LRP1B: variants seen among roughly 807,000 people sequenced by gnomAD.
LRP1B encodes the protein low-density lipoprotein receptor-related protein 1B.
A neutral mutation model predicts 556.6 loss-of-function variants in LRP1B; 217 were observed. The observed-to-expected ratio is 0.39, with a 90% CI of 0.35 to 0.44. The LOEUF (loss-of-function observed/expected upper bound fraction) is 0.44. LRP1B is among the 20% of genes least tolerant of loss of function. The pLI is 1.00. For synonymous variants in LRP1B, 2,047 were observed against 1,865.8 expected (o/e 1.10, Z -2.50); for missense variants, 5,053 against 5,620.8 (o/e 0.90, Z 3.23).
At chr2:140,617,292 C>T (rs1034523684) in intron 41 of LRP1B, among the ~76,000 whole-genome samples, 4 of 151,940 alleles carry the variant, frequency 2.6e-5, no homozygotes, top group Non-Finnish European at 4.4e-5. Context: ...CTAAATATCA[C>T]ACAGATAACT....
At chr2:140,838,294 G>A (rs1012287935) in intron 31 of LRP1B, among the ~76,000 whole-genome samples, 3 of 152,100 alleles carry the variant, frequency 2.0e-5, no homozygotes, top group Non-Finnish European at 2.9e-5. Flanking sequence ...TTCAAATTAA[G>A]TCCTTTGTAT....
chr2:140,462,763 A>T (rs776061015), intron 60 of LRP1B, among the ~76,000 whole-genome samples: 1 of 152,168 alleles, frequency 6.6e-6, no homozygotes, highest in Non-Finnish European at 1.5e-5. Context: ...TATTTTTTTC[A>T]TCTAACATAT....
At chr2:140,293,899 T>A (rs1683499951) in intron 84 of LRP1B, among the ~76,000 whole-genome samples, 1 of 152,162 alleles carries the variant, frequency 6.6e-6, no homozygotes, top group Admixed American at 6.5e-5. Context: ...TGTCTAAGGA[T>A]TAATTGGTTA....
chr2:141,995,337 T>C (rs1461301310), intron 1 of LRP1B, among the ~76,000 whole-genome samples: 1 of 152,110 alleles, frequency 6.6e-6, no homozygotes, highest in East Asian at 1.9e-4. Flanking sequence ...CCTCCATCTT[T>C]GACACAAAGA....
At chr2:142,124,605 A>C (rs1231702882) in intron 1 of LRP1B, among the ~76,000 whole-genome samples, 5 of 149,554 alleles carry the variant, frequency 3.3e-5, no homozygotes, top group African/African-American at 1.2e-4. Flanking sequence ...AAAAATAATA[A>C]ATTTCCACTT....
At chr2:141,964,915 C>T (rs1239595141) in intron 1 of LRP1B, among the ~76,000 whole-genome samples, 10 of 149,972 alleles carry the variant, frequency 6.7e-5, no homozygotes, top group East Asian at 2.0e-4. Context: ...AACAAACAAC[C>T]CCATCAAAAA....
chr2:141,291,070 A>C (rs577031303), intron 3 of LRP1B, among the ~76,000 whole-genome samples: 1 of 152,172 alleles, frequency 6.6e-6, no homozygotes, highest in South Asian at 2.1e-4. Context: ...TTTTGTAATC[A>C]AAAATAGAAA....
rs758014342 is a variant in LRP1B, at chr2:140,485,400, A to G, written c.9368T>C (p.Ile3123Thr). Residue 3123 changes from isoleucine (I) to threonine (T), a missense_variant, in exon 59 of 91, where the codon ATA becomes ACA. This residue lies in a region of LRP1B where 3,619 missense variants were observed against 3,931.9 expected (regional missense o/e 0.92). Coordinates refer to ENST00000389484, the MANE Select transcript of LRP1B (RefSeq NM_018557.3). The part of the protein sequence containing the change: ...VSKLNGLYPT[I>T]LVSKRLKFPR... ...AAACTTCAGCCTTTTGCTAACGAGT[A>G]TAGTAGGGTACAAGCCATTGAGTTT... 2 of 1,613,954 alleles carry G rather than the reference A, an allele frequency of 1.2e-6. No individual in the cohort carries two copies. Among genetic ancestry groups the G allele is most frequent in the South Asian group, 1.1e-5 (1 of 91,082 alleles).
At chr2:140,966,323 C>T (rs1222207991) in intron 18 of LRP1B, among the ~76,000 whole-genome samples, 3 of 152,138 alleles carry the variant, frequency 2.0e-5, no homozygotes, top group Non-Finnish European at 4.4e-5. Flanking sequence ...CATTTTTTCA[C>T]ATGTCTGTGG....
intron 1 of LRP1B, among the ~76,000 whole-genome samples, chr2:141,916,195 T>C (rs989445043): frequency 9.2e-5 from 14 of 151,960 alleles, no homozygotes; most frequent in African/African-American, 3.4e-4. Flanking sequence ...GCTGGTGGAT[T>C]GGATAAAGAA....
intron 82 of LRP1B, among the ~76,000 whole-genome samples, chr2:140,320,342 G>C (rs995221192): frequency 2.6e-5 from 4 of 152,110 alleles, no homozygotes; most frequent in Non-Finnish European, 4.4e-5. Flanking sequence ...TACTACAATA[G>C]TTTTAGACAC....
chr2:141,727,266 C>T (rs567909056), intron 2 of LRP1B, among the ~76,000 whole-genome samples: 1 of 152,138 alleles, frequency 6.6e-6, no homozygotes, highest in Non-Finnish European at 1.5e-5. Flanking sequence ...GGTTATATCT[C>T]TCCATTTCAC....
At chr2:142,019,159 C>A (rs1188921601) in intron 1 of LRP1B, among the ~76,000 whole-genome samples, 1 of 152,128 alleles carries the variant, frequency 6.6e-6, no homozygotes, top group Non-Finnish European at 1.5e-5. Flanking sequence ...CCTTTCAAAT[C>A]TTTTAACTGG....
intron 41 of LRP1B, among the ~76,000 whole-genome samples, chr2:140,692,234 TC>T (rs1249729170): frequency 2.0e-5 from 3 of 152,166 alleles, no homozygotes; most frequent in African/African-American, 7.2e-5. Context: ...GTTTTCAATA[TC>T]ACATCAACCA....
rs534017793 is a variant in LRP1B, at chr2:141,883,288, C to T, written c.83-72887G>A. Reference sequence around the variant, plus strand: ...CCCATACACTTTGTACTTATAATAGCACTACAAGCAAAGCAAGAAGGAGCT... The same window carrying T: ...CCCATACACTTTGTACTTATAATAGTACTACAAGCAAAGCAAGAAGGAGCT... On this transcript the variant is annotated intron_variant, in intron 1 of 90. Transcript: ENST00000389484. Among the ~76,000 whole-genome samples, 37 of 152,166 alleles carry T rather than the reference C, an allele frequency of 2.4e-4. 1 individual carries two copies. In the South Asian group the frequency reaches 3.1e-3, roughly 13 times the overall value.
chr2:141,508,450 C>A (rs915933583), intron 2 of LRP1B, among the ~76,000 whole-genome samples: 1 of 152,178 alleles, frequency 6.6e-6, no homozygotes. Flanking sequence ...ATTCATTTAT[C>A]AGAAGTTAGC....
At chr2:142,005,203 G>A (rs1244330706) in intron 1 of LRP1B, among the ~76,000 whole-genome samples, 1 of 150,922 alleles carries the variant, frequency 6.6e-6, no homozygotes, top group Non-Finnish European at 1.5e-5. Context: ...TATATTTAGT[G>A]CAGACCACTC....
At chr2:141,467,844 G>GGGGGC (rs1559087222) in intron 3 of LRP1B, among the ~76,000 whole-genome samples, 1 of 137,904 alleles carries the variant, frequency 7.3e-6, no homozygotes, top group African/African-American at 2.6e-5. Context: ...CGGACCGGGG[G>GGGGGC]GGGGGGAATT....
intron 2 of LRP1B, among the ~76,000 whole-genome samples, chr2:141,801,268 T>C (rs1695997176): frequency 6.6e-6 from 1 of 152,128 alleles, no homozygotes; most frequent in South Asian, 2.1e-4. Flanking sequence ...TACAAGTTTG[T>C]TTATATATGC....
Sources: allele counts gnomAD v4.1 joint callset (sites outside exome capture counted in the v4.1 genomes callset), GRCh38; gene constraint gnomAD v4.1.1; regional missense constraint gnomAD v4.1.1; transcripts MANE v1.5; gene names NCBI Gene and HGNC (gene_info 2026-07-23, HGNC 2026-07-21).